Variants in GCNT2 observed in about 807,000 individuals in gnomAD.
GCNT2 encodes glucosaminyl (N-acetyl) transferase 2 (I blood group).
Under a neutral mutation model 34.2 loss-of-function variants are expected in GCNT2, and 34 were observed. That is an observed-to-expected ratio of 1.00 (90% confidence interval 0.76 to 1.32). The LOEUF (loss-of-function observed/expected upper bound fraction) is 1.32, where lower values mean the gene tolerates loss of function less well. GCNT2 is among the 40% of genes most tolerant of loss of function. The probability of loss-of-function intolerance (pLI) is 0.00; values close to 1 mark genes in which losing one functional copy is unlikely to be tolerated. For synonymous variants in GCNT2, 212 were observed against 188.0 expected (o/e 1.13, Z -1.04); for missense variants, 584 against 489.4 (o/e 1.19, Z -1.82).
chr6:10,602,306 C>A (rs1289698562), intron 3 of GCNT2, among the ~76,000 whole-genome samples: 3 of 152,164 alleles, frequency 2.0e-5, no homozygotes, highest in Non-Finnish European at 2.9e-5. Context: ...CCCACAAGGG[C>A]TCCTTCCCAG....
intron 3 of GCNT2, among the ~76,000 whole-genome samples, chr6:10,564,338 A>G (rs183452374): frequency 1.3e-5 from 2 of 152,294 alleles, no homozygotes; most frequent in Non-Finnish European, 2.9e-5. Flanking sequence ...AACTAAACTC[A>G]GACTCTCCCC....
At chr6:10,544,741 C>A (rs921925095) in intron 3 of GCNT2, among the ~76,000 whole-genome samples, 1 of 151,452 alleles carries the variant, frequency 6.6e-6, no homozygotes, top group East Asian at 1.9e-4. Flanking sequence ...ATCAGGAGTT[C>A]GAGACCAGCC....
rs568757169 is a variant in GCNT2, at chr6:10,562,669, A to C, written c.925+32833A>C. Among the ~76,000 whole-genome samples, 932 of 151,176 alleles carry C rather than the reference A, an allele frequency of 6.2e-3. 14 individuals are homozygous for C. The highest frequency in any genetic ancestry group is 0.02 in the African/African-American group (837 of 41,116). On this transcript the variant is annotated intron_variant, in intron 3 of 4. Transcript: ENST00000495262. ...CAGAACTTCTCTGAAAAAAAAAAAA[A>C]AAAAAAAACAAAAAAAAACCCACAA...
chr6:10,620,825 G>C (rs2127444487), intron 3 of GCNT2, among the ~76,000 whole-genome samples: 1 of 152,234 alleles, frequency 6.6e-6, no homozygotes, highest in East Asian at 1.9e-4. Context: ...TCTCAAATGG[G>C]GTGATTTTGC....
intron 3 of GCNT2, among the ~76,000 whole-genome samples, chr6:10,536,338 A>C (rs9460832): frequency 0.011 from 1,646 of 152,094 alleles, 26 homozygotes; most frequent in African/African-American, 0.038. Flanking sequence ...TATCTGCCAG[A>C]AATATCGGTT....
At chr6:10,565,626 C>G (rs552023758) in intron 3 of GCNT2, among the ~76,000 whole-genome samples, 1 of 152,300 alleles carries the variant, frequency 6.6e-6, no homozygotes, top group South Asian at 2.1e-4. Flanking sequence ...CTGGCCTGCC[C>G]GTTGCCTTTT....
chr6:10,590,897 T>C (rs1246922562), intron 3 of GCNT2, among the ~76,000 whole-genome samples: 1 of 152,214 alleles, frequency 6.6e-6, no homozygotes, highest in African/African-American at 2.4e-5. Flanking sequence ...CATCCTCTCA[T>C]AAAGAATGTC....
chr6:10,586,653 C>A (rs756221090), intron 3 of GCNT2: 1 of 1,614,074 alleles, frequency 6.2e-7, no homozygotes, highest in African/African-American at 1.3e-5. Context: ...GGTGCTGCCT[C>A]CTGACCATGC....
intron 3 of GCNT2, among the ~76,000 whole-genome samples, chr6:10,533,766 A>G (rs971365880): frequency 1.8e-4 from 24 of 129,856 alleles, no homozygotes; most frequent in Admixed American, 1.2e-3. Flanking sequence ...ATGCCACTGT[A>G]CTCCAGCCTG....
intron 3 of GCNT2, among the ~76,000 whole-genome samples, chr6:10,562,656 GAA>G (rs57868433): frequency 0.022 from 1,672 of 77,430 alleles, 7 homozygotes; most frequent in Middle Eastern, 0.07. Context: ...GAACTTCTCT[GAA>G]AAAAAAAAAA....
intron 3 of GCNT2, among the ~76,000 whole-genome samples, chr6:10,532,929 T>G (rs1201351706): frequency 2.7e-5 from 4 of 150,000 alleles, no homozygotes; most frequent in African/African-American, 9.8e-5. Flanking sequence ...TTTTTTTTTT[T>G]TTTTTGGCAG....
At chr6:10,542,633 C>T (rs1167032191) in intron 3 of GCNT2, among the ~76,000 whole-genome samples, 1 of 152,174 alleles carries the variant, frequency 6.6e-6, no homozygotes, top group East Asian at 1.9e-4. Flanking sequence ...GCTCCTTTTA[C>T]TTATTGCCAT....
At chr6:10,584,632 G>A (rs1017886633) in intron 3 of GCNT2, among the ~76,000 whole-genome samples, 3 of 152,162 alleles carry the variant, frequency 2.0e-5, no homozygotes, top group Non-Finnish European at 4.4e-5. Context: ...GCGGCCTTCC[G>A]CAGTGCATTG....
rs879507783 is a variant in GCNT2, at chr6:10,569,265, ACACACACACC to A, written c.925+39431_925+39440del. Among the ~76,000 whole-genome samples the A allele has an allele frequency of 7.1e-3, 1,051 of 148,174 alleles. 42 individuals are homozygous for A. The highest frequency in any genetic ancestry group is 8.4e-3 in the Non-Finnish European group (567 of 67,170). Reference sequence around the variant, plus strand: ...CACACACACACACACACACACACACACACACACACCCCCTAGGTAATTTTGCCAAATCCTG... The same window carrying A: ...CACACACACACACACACACACACACACCCTAGGTAATTTTGCCAAATCCTG... On this transcript the variant is annotated intron_variant, in intron 3 of 4. Coordinates refer to ENST00000495262, the MANE Select transcript of GCNT2 (RefSeq NM_145649.5).
intron 3 of GCNT2, among the ~76,000 whole-genome samples, chr6:10,544,837 C>T (rs1035602626): frequency 5.3e-5 from 8 of 150,984 alleles, no homozygotes; most frequent in African/African-American, 1.7e-4. Flanking sequence ...CTGAGCTACT[C>T]GGGAGGCTGA....
At position 10,563,776 on chromosome 6, in the gene GCNT2, A is replaced by AT. The variant is rs1561802850; in HGVS notation, c.925+33940_925+33941insT. 3.5e-3 allele frequency among the ~76,000 whole-genome samples: 129 copies of AT among 36,678 alleles called. 1 individual carries two copies. Among genetic ancestry groups the AT allele is most frequent in the Admixed American group, 5.1e-3 (16 of 3,122 alleles). The allele number at this position is 36,678 out of a possible 152,430, so 24.1% of individuals were successfully genotyped here. On this transcript the variant is annotated intron_variant, in intron 3 of 4. Transcript: ENST00000495262. ...AAAAAGAAAAAAAAAAAAAAAAAAA[A>AT]AATATATATATATATATATATATAT...
intron 4 of GCNT2, among the ~76,000 whole-genome samples, chr6:10,622,742 CTTTTTTTTT>C (rs36097125): frequency 4.0e-5 from 3 of 74,472 alleles, no homozygotes; most frequent in South Asian, 5.4e-4. Context: ...CTCAGTCCAT[CTTTTTTTTT>C]TTTTTTTTTT....
intron 3 of GCNT2, among the ~76,000 whole-genome samples, chr6:10,620,190 A>G (rs1052874759): frequency 2.0e-5 from 3 of 152,208 alleles, no homozygotes; most frequent in African/African-American, 7.2e-5. Context: ...GGTGGAGGCC[A>G]TTATTCTGCC....
intron 3 of GCNT2, among the ~76,000 whole-genome samples, chr6:10,558,189 A>G (rs1006253959): frequency 2.3e-4 from 35 of 152,178 alleles, no homozygotes; most frequent in Non-Finnish European, 4.0e-4. Flanking sequence ...TCTCCTCTGC[A>G]TTTGTTCCAT....
Sources: allele counts gnomAD v4.1 joint callset (sites outside exome capture counted in the v4.1 genomes callset), GRCh38; gene constraint gnomAD v4.1.1; transcripts MANE v1.5; gene names NCBI Gene and HGNC (gene_info 2026-07-23, HGNC 2026-07-21).